The following CRADD variants were observed in gnomAD, a reference collection of about 807,000 sequenced individuals.
CRADD encodes the protein death domain-containing protein CRADD.
In CRADD, 9 loss-of-function variants were observed where a neutral mutation model predicts 15.5. The observed-to-expected ratio is 0.58, with a 90% confidence interval of 0.35 to 1.01. CRADD has a LOEUF of 1.01. Among genes scored for constraint, CRADD ranks in the 50% least tolerant of loss-of-function variants. CRADD has a pLI of 0.02. For synonymous variants in CRADD, 118 were observed against 107.6 expected (o/e 1.10, Z -0.60); for missense variants, 227 against 250.3 (o/e 0.91, Z 0.63).
At chr12:93,696,973 T>G (rs1214525152) in intron 2 of CRADD, among the ~76,000 whole-genome samples, 1 of 152,212 alleles carries the variant, frequency 6.6e-6, no homozygotes, top group Non-Finnish European at 1.5e-5. Flanking sequence ...TGGGTGGTAG[T>G]GGGGGCCTGT....
chr12:93,687,042 G>C (rs1383673281), intron 2 of CRADD, among the ~76,000 whole-genome samples: 1 of 151,740 alleles, frequency 6.6e-6, no homozygotes, highest in Non-Finnish European at 1.5e-5. Flanking sequence ...AATGATGATC[G>C]TTCAGTACTG....
intron 2 of CRADD, chr12:93,735,620 G>C (rs755252350): frequency 1.3e-5 from 2 of 152,196 alleles, no homozygotes; most frequent in Non-Finnish European, 2.9e-5. Flanking sequence ...GGAAAAGTCA[G>C]TCGAGTACAG....
intron 2 of CRADD, among the ~76,000 whole-genome samples, chr12:93,821,998 A>G (rs747271655): frequency 6.6e-6 from 1 of 151,932 alleles, no homozygotes; most frequent in Non-Finnish European, 1.5e-5. Context: ...GGCGCCTGCA[A>G]TCCCAGCTAT....
intron 2 of CRADD, among the ~76,000 whole-genome samples, chr12:93,712,822 G>A (rs1956097406): frequency 6.6e-6 from 1 of 152,160 alleles, no homozygotes; most frequent in Non-Finnish European, 1.5e-5. Flanking sequence ...ATTTGTGAAT[G>A]CTTAGGACAG....
intron 2 of CRADD, among the ~76,000 whole-genome samples, chr12:93,700,725 C>T (rs546581742): frequency 1.7e-4 from 26 of 152,118 alleles, no homozygotes; most frequent in Non-Finnish European, 2.9e-4. Flanking sequence ...CCACCGCATC[C>T]GGTCCAGTTT....
rs540771316 is a variant in CRADD at position 93,824,742 on chromosome 12, T to A, written c.299-25228T>A. On this transcript the variant is annotated intron_variant, in intron 2 of 2. Coordinates refer to ENST00000332896, the MANE Select transcript of CRADD (RefSeq NM_003805.5). The surrounding 1 kb of genome is among the most constrained non-coding windows in gnomAD (Gnocchi z 4.3). ...AATGTTTATTTACCAGAACTTTAAA[T>A]GCTGATTGTGGTGTCTGTGTCTCCT... Among the ~76,000 whole-genome samples, 1 of 152,304 alleles carries A rather than the reference T, an allele frequency of 6.6e-6. No individual in the cohort carries two copies. The highest frequency in any genetic ancestry group is 6.5e-5 in the Admixed American group (1 of 15,296).
At chr12:93,686,160 G>A (rs895264036) in intron 2 of CRADD, among the ~76,000 whole-genome samples, 1 of 151,462 alleles carries the variant, frequency 6.6e-6, no homozygotes, top group African/African-American at 2.4e-5. Context: ...AATTAACCGG[G>A]TGTGGTGGCA....
At chr12:93,758,689 T>A (rs1173078289) in intron 2 of CRADD, among the ~76,000 whole-genome samples, 4 of 152,148 alleles carry the variant, frequency 2.6e-5, no homozygotes, top group Non-Finnish European at 5.9e-5. Context: ...GTAAGGCAAA[T>A]TGCTTTGTTA....
In CRADD at chr12:93,779,801, C is replaced by T. The variant is rs575251398; in HGVS notation, c.299-70169C>T. On this transcript the variant is annotated intron_variant, in intron 2 of 2. Coordinates refer to ENST00000332896, the MANE Select transcript of CRADD (RefSeq NM_003805.5). The stretch of plus-strand genomic sequence containing the variant: ...AGAGAGTTTCACCATGTTGGCCAGG[C>T]TGGTCTCGAACTCCTGACCTCAGGT... Among the ~76,000 whole-genome samples, 10 of 152,212 alleles carry T rather than the reference C, an allele frequency of 6.6e-5. No homozygotes were observed. The South Asian group carries it at 8.3e-4, about 13-fold the overall frequency.
In CRADD at chr12:93,722,401, A is replaced by G. The variant is rs137982412; in HGVS notation, c.298+43329A>G. Among the ~76,000 whole-genome samples, 66 of 151,840 alleles carry G rather than the reference A, an allele frequency of 4.3e-4. No individual in the cohort carries two copies. In the East Asian group the frequency reaches 0.011, roughly 25 times the overall value. ...GGTGTCTGGCATTAATTTGGGGGCA[A>G]TTCTCAGCCTATATTGTTTCGTATA... On this transcript the variant is annotated intron_variant, in intron 2 of 2. Coordinates refer to ENST00000332896, the MANE Select transcript of CRADD (RefSeq NM_003805.5).
chr12:93,822,026 G>A (rs1298583411), intron 2 of CRADD, among the ~76,000 whole-genome samples: 1 of 151,970 alleles, frequency 6.6e-6, no homozygotes, highest in Non-Finnish European at 1.5e-5. Flanking sequence ...GTTGAGGCAC[G>A]AGAATTGCTT....
chr12:93,692,434 C>T (rs1237022021), intron 2 of CRADD, among the ~76,000 whole-genome samples: 2 of 152,130 alleles, frequency 1.3e-5, no homozygotes, highest in Non-Finnish European at 2.9e-5. Flanking sequence ...TATAATTAAA[C>T]TGTCAAAAAA....
At chr12:93,723,974 A>G (rs544899454) in intron 2 of CRADD, among the ~76,000 whole-genome samples, 8 of 152,248 alleles carry the variant, frequency 5.3e-5, no homozygotes, top group Non-Finnish European at 8.8e-5. Context: ...CTGGTTAGGT[A>G]GCTTCTCCTG....
intron 2 of CRADD, among the ~76,000 whole-genome samples, chr12:93,893,389 G>T (rs1958590248): frequency 6.6e-6 from 1 of 150,794 alleles, no homozygotes; most frequent in African/African-American, 2.5e-5. Context: ...AATTCCTAGG[G>T]TGTTGATTTA....
intron 2 of CRADD, among the ~76,000 whole-genome samples, chr12:93,713,916 T>C (rs1410367850): frequency 6.6e-6 from 1 of 152,230 alleles, no homozygotes; most frequent in Non-Finnish European, 1.5e-5. Context: ...TATATGTGAC[T>C]GGCATTCATT....
intron 1 of CRADD, chr12:93,678,110 G>C (rs933283193): frequency 1.3e-5 from 2 of 152,380 alleles, no homozygotes; most frequent in African/African-American, 4.8e-5. Context: ...CTGGAGATTC[G>C]GAATTCTTAG....
intron 2 of CRADD, among the ~76,000 whole-genome samples, chr12:93,880,438 C>T (rs567282230): frequency 3.4e-4 from 51 of 152,186 alleles, no homozygotes; most frequent in Middle Eastern, 3.4e-3. Context: ...TGGAGATTGG[C>T]GGGAGAAATC....
intron 2 of CRADD, among the ~76,000 whole-genome samples, chr12:93,763,335 A>G (rs144849595): frequency 6.6e-6 from 1 of 151,936 alleles, no homozygotes; most frequent in East Asian, 2.0e-4. Context: ...GGGTGACCCA[A>G]GAGAAAAAAG....
chr12:93,774,330 G>A (rs1242569577), intron 2 of CRADD, among the ~76,000 whole-genome samples: 1 of 152,100 alleles, frequency 6.6e-6, no homozygotes, highest in Non-Finnish European at 1.5e-5. Context: ...GAGCTGATGG[G>A]GGCCTTGGAA....
Sources: allele counts gnomAD v4.1 joint callset (sites outside exome capture counted in the v4.1 genomes callset), GRCh38; gene constraint gnomAD v4.1.1; non-coding constraint Gnocchi (gnomAD v3.1); transcripts MANE v1.5; gene names NCBI Gene and HGNC (gene_info 2026-07-23, HGNC 2026-07-21).